Variants in SQOR observed in about 807,000 individuals in gnomAD.
The protein encoded by SQOR is sulfide quinone oxidoreductase, also known as sulfide:quinone oxidoreductase, mitochondrial.
A neutral mutation model predicts 48.6 loss-of-function variants in SQOR; 39 were observed. The ratio of observed to expected loss-of-function variants is 0.80; its 90% CI spans 0.62 to 1.05. The LOEUF (loss-of-function observed/expected upper bound fraction) is 1.05. Among genes scored for constraint, SQOR ranks in the 50% least tolerant of loss-of-function variants. SQOR has a pLI of 0.00. For synonymous variants in SQOR, 220 were observed against 206.2 expected, an observed-to-expected ratio of 1.07 and a Z score of -0.57; for missense variants, 561 against 559.9, an observed-to-expected ratio of 1.00 and a Z score of -0.02.
At chr15:45,661,901 C>A in intron 2 of SQOR, 54 bp from the exon 3 acceptor site, 1 of 1,548,478 alleles carries the variant, frequency 6.5e-7, no homozygotes, top group South Asian at 1.2e-5. Flanking sequence ...TTAGCTATGA[C>A]CCCTTTTGAT....
intron 9 of SQOR, 42 bp from the exon 10 acceptor site, chr15:45,690,931 C>G (rs937390517): frequency 6.3e-7 from 1 of 1,590,584 alleles, no homozygotes; most frequent in Middle Eastern, 1.7e-4. Context: ...GTCGCCCCAT[C>G]TCTCTTGCTG....
At position 45,667,951 on chromosome 15, in the gene SQOR, T is replaced by TTC. The variant is rs1889868723; in HGVS notation, c.406-1976_406-1975insCT. Among the ~76,000 whole-genome samples, 5 of 145,530 alleles carry TTC rather than the reference T, an allele frequency of 3.4e-5. 1 individual carries two copies. The highest frequency in any genetic ancestry group is 3.4e-4 in the Admixed American group (5 of 14,634). ...TTTCTTTCTTTCTTTCTTTTTTTTT[T>TTC]TTTTTTTTTTTGAGATAGAGTCTCT... On this transcript the variant is annotated intron_variant, in intron 3 of 9. Transcript: ENST00000260324.
In SQOR at chr15:45,662,013, C is replaced by T; in HGVS notation, c.293C>T (p.Ser98Leu). The change falls in exon 3 of 10, where the codon TCA (serine) becomes TTA (leucine). Residue 98 changes from serine (S) to leucine (L), a missense_variant. Transcript: ENST00000260324. Reference protein sequence around the residue: ...LVGAGAKQLSSSGRPTASVIP... With the variant: ...LVGAGAKQLSLSGRPTASVIP... ...GGTGCTGGTGCCAAACAATTGTCCT[C>T]ATCTGGTCGTCCCACGGCAAGTGTG... 2 of 1,614,224 alleles carry T rather than the reference C, an allele frequency of 1.2e-6. No individual in the cohort carries two copies. Among genetic ancestry groups the T allele is most frequent in the Non-Finnish European group, 8.5e-7 (1 of 1,180,038 alleles).
chr15:45,682,487 C>T lies in SQOR; in HGVS notation c.874C>T (p.Leu292Phe), dbSNP rs1474034068. ...GETQVISYEM[L>F]HVTPPMSPPD... is the part of the protein sequence containing the mutation. ...CTCTCTTTGTGTGTAGTATGAAATG[C>T]TTCATGTCACACCTCCAATGAGCCC... Residue 292 changes from leucine (L) to phenylalanine (F), a missense_variant, in exon 7 of 10, where the codon CTT becomes TTT. Coordinates refer to ENST00000260324, the MANE Select transcript of SQOR (RefSeq NM_021199.4). The T allele has an allele frequency of 5.0e-6, 8 of 1,613,946 alleles. No homozygotes were observed. In the Middle Eastern group the frequency reaches 4.9e-4, roughly 100 times the overall value.
Position 45,671,311 on chromosome 15 carries a change from T to C in SQOR, c.459+1330T>C, listed in dbSNP as rs1889937927. ...CTGGGATTACAGGTGCCCACCACCATGCCCGGCTAATTTTTGTATTTTTTT... is the reference window on the plus strand; with the variant it reads ...CTGGGATTACAGGTGCCCACCACCACGCCCGGCTAATTTTTGTATTTTTTT... On this transcript the variant is annotated intron_variant, in intron 4 of 9. Coordinates refer to ENST00000260324, the MANE Select transcript of SQOR (RefSeq NM_021199.4). Among the ~76,000 whole-genome samples, 5 of 152,120 alleles carry C rather than the reference T, an allele frequency of 3.3e-5. 1 individual carries two copies. Among genetic ancestry groups the C allele is most frequent in the South Asian group, 4.1e-4 (2 of 4,828 alleles).
chr15:45,660,279 C>T (rs8037287), intron 2 of SQOR, among the ~76,000 whole-genome samples: 220 of 152,226 alleles, frequency 1.4e-3, no homozygotes, highest in African/African-American at 5.2e-3. Context: ...TTGTCCCCAG[C>T]AGGGAATGAT....
Position 45,688,381 on chromosome 15 carries a change from A to G in SQOR, c.1093A>G (p.Lys365Glu), listed in dbSNP as rs774549274. 6.2e-7 allele frequency: 1 copy of G among 1,608,426 alleles called. No homozygotes were observed. The highest frequency in any genetic ancestry group is 1.7e-5 in the Admixed American group (1 of 58,644). ...ILDRTISVIM[K>E]NQTPTKKYDG... ...TGATAGGACAATTTCTGTAATTATG[A>G]AGAATCAAACACCAACAAAGAAGGT... The change falls in exon 8 of 10, where the codon AAG becomes GAG. Residue 365 changes from lysine to glutamate, a missense_variant. Transcript: ENST00000260324.
intron 2 of SQOR, 132 bp from the exon 3 acceptor site, chr15:45,661,823 G>T: frequency 1.1e-6 from 1 of 896,582 alleles, no homozygotes; most frequent in Non-Finnish European, 1.6e-6. Context: ...AGCTAACTTT[G>T]TGGAGACTTT....
upstream of SQOR, among the ~76,000 whole-genome samples, chr15:45,632,310 G>A (rs893585110): frequency 1.6e-4 from 24 of 151,454 alleles, no homozygotes; most frequent in Non-Finnish European, 3.4e-4. Context: ...ACCTCCGCCT[G>A]CTGGGTTCAA....
chr15:45,683,456 T>G (rs2140961885), intron 7 of SQOR, among the ~76,000 whole-genome samples: 1 of 152,332 alleles, frequency 6.6e-6, no homozygotes, highest in South Asian at 2.1e-4. Flanking sequence ...AAAACTAAAT[T>G]CTTCACCTCG....
chr15:45,643,327 C>T (rs1442657442), intron 1 of SQOR, among the ~76,000 whole-genome samples: 1 of 152,174 alleles, frequency 6.6e-6, no homozygotes, highest in African/African-American at 2.4e-5. Flanking sequence ...TCCCAAGTAG[C>T]TGGGACTACA....
chr15:45,646,471 G>A (rs1049154563), intron 1 of SQOR, among the ~76,000 whole-genome samples: 7 of 152,120 alleles, frequency 4.6e-5, no homozygotes, highest in African/African-American at 7.2e-5. Context: ...CAATACTTCC[G>A]GTGTGGGCTC....
intron 3 of SQOR, among the ~76,000 whole-genome samples, chr15:45,666,728 T>A (rs150012996): frequency 1.4e-5 from 2 of 142,164 alleles, no homozygotes; most frequent in South Asian, 4.8e-4. Flanking sequence ...CCTTTTCCTC[T>A]CCCCTCCCCT....
rs138247108 is a variant in SQOR at position 45,668,835 on chromosome 15, C to T, written c.406-1093C>T. 3.3e-3 allele frequency among the ~76,000 whole-genome samples: 496 copies of T among 152,314 alleles called. 2 individuals are homozygous for T. Among genetic ancestry groups the T allele is most frequent in the African/African-American group, 0.012 (478 of 41,556 alleles). ...TTTCTAGGCAAGTTCTTGTACTTTA[C>T]GGCCACTTTGTTTACACTTTTTGGC... On this transcript the variant is annotated intron_variant, in intron 3 of 9. Transcript: ENST00000260324.
intron 6 of SQOR, among the ~76,000 whole-genome samples, chr15:45,681,793 T>G (rs765974204): frequency 1.3e-5 from 2 of 152,170 alleles, no homozygotes; most frequent in Non-Finnish European, 2.9e-5. Flanking sequence ...GATGGGTCAG[T>G]GCACCACTAC....
At chr15:45,662,887 G>C (rs1289503412) in intron 3 of SQOR, among the ~76,000 whole-genome samples, 1 of 152,176 alleles carries the variant, frequency 6.6e-6, no homozygotes, top group East Asian at 1.9e-4. Flanking sequence ...AGGTGTTATT[G>C]GTCTTAATCC....
intron 1 of SQOR, among the ~76,000 whole-genome samples, chr15:45,652,872 C>A (rs1349816683): frequency 6.6e-6 from 1 of 150,796 alleles, no homozygotes; most frequent in Non-Finnish European, 1.5e-5. Context: ...TCGTGGGGGC[C>A]GGAGACAGGA....
intron 4 of SQOR, among the ~76,000 whole-genome samples, chr15:45,673,013 G>A (rs1232883347): frequency 2.0e-5 from 3 of 152,164 alleles, no homozygotes; most frequent in African/African-American, 4.8e-5. Flanking sequence ...AAGTTCCCAG[G>A]TGGTGCTTGT....
chr15:45,685,235 G>A (rs1470498181), intron 7 of SQOR, among the ~76,000 whole-genome samples: 1 of 152,144 alleles, frequency 6.6e-6, no homozygotes, highest in Admixed American at 6.5e-5. Context: ...AATAGTACTA[G>A]CTGTTCCCAA....
Sources: allele counts gnomAD v4.1 joint callset (sites outside exome capture counted in the v4.1 genomes callset), GRCh38; gene constraint gnomAD v4.1.1; transcripts MANE v1.5; gene names NCBI Gene and HGNC (gene_info 2026-07-23, HGNC 2026-07-21).